Variants in CYP26B1 observed in about 807,000 individuals in gnomAD.
CYP26B1 encodes the protein cytochrome P450 26B1.
In CYP26B1, 8 loss-of-function variants were observed where a neutral mutation model predicts 39.1. The ratio of observed to expected loss-of-function variants is 0.20; its 90% CI spans 0.12 to 0.37. The LOEUF (loss-of-function observed/expected upper bound fraction) is 0.37. Ranked by LOEUF, CYP26B1 falls within the 10% of genes least tolerant of loss-of-function variation. The pLI is 1.00. For missense variants in CYP26B1, 615 were observed against 707.0 expected (o/e 0.87, Z 1.48); for synonymous variants, 321 against 314.3 (o/e 1.02, Z -0.23).
chr2:72,144,581 C>T, intron 1 of CYP26B1: 1 of 837,346 alleles, frequency 1.2e-6, no homozygotes, highest in Non-Finnish European at 1.4e-6. Context: ...ATAAATATTT[C>T]CAGGCTCCGG....
chr2:72,136,325 G>A (rs141402702), intron 2 of CYP26B1, among the ~76,000 whole-genome samples: 23 of 152,170 alleles, frequency 1.5e-4, no homozygotes, highest in Middle Eastern at 3.4e-3. Context: ...CCACACACAC[G>A]CGCCGCCCTC....
intron 5 of CYP26B1, 31 bp from the exon 6 acceptor site, chr2:72,132,650 G>A: frequency 3.8e-6 from 6 of 1,571,868 alleles, no homozygotes; most frequent in Non-Finnish European, 5.2e-6. Flanking sequence ...AGGAGTGGGT[G>A]GTGAGAGCCA....
intron 2 of CYP26B1, among the ~76,000 whole-genome samples, chr2:72,143,468 C>T (rs914914126): frequency 6.6e-5 from 10 of 151,792 alleles, no homozygotes; most frequent in African/African-American, 2.4e-4. Flanking sequence ...GCTCCGCTGC[C>T]CAGGCTCGCC....
chr2:72,135,547 G>T lies in CYP26B1; in HGVS notation c.430-128C>A, dbSNP rs988903618. The T allele has an allele frequency of 3.1e-5, 42 of 1,375,436 alleles. No individual in the cohort carries two copies. The African/African-American group carries it at 5.7e-4, about 19-fold the overall frequency. 85.2% of individuals were successfully genotyped at this position (1,375,436 alleles called of 1,614,324 possible). A position where few individuals can be genotyped will look rare whatever the true frequency, so the allele number is the denominator to read the frequency against. On this transcript the variant is annotated intron_variant, in intron 2 of 5. Transcript: ENST00000001146. ...CTTCCACACAACAGCAAAGCCTTGG[G>T]AGCTGGGCAGGCCAGCTGCCAGCAA...
chr2:72,138,371 G>A (rs553433829), intron 2 of CYP26B1, among the ~76,000 whole-genome samples: 10 of 152,248 alleles, frequency 6.6e-5, no homozygotes, highest in Non-Finnish European at 1.2e-4. Context: ...CCAGGGCGGC[G>A]TCAGGGCGGG....
At position 72,143,981 on chromosome 2, in the gene CYP26B1, G is replaced by A. The variant is rs1677037316; in HGVS notation, c.429+8C>T. 2.5e-6 allele frequency: 4 copies of A among 1,613,332 alleles called. No individual in the cohort carries two copies. The highest frequency in any genetic ancestry group is 2.5e-6 in the Non-Finnish European group (3 of 1,179,988). ...GATTGCGCGGAAGAAAACGGGCAGA[G>A]TTCTTACCTTGCGCTTGTTGCGGTG... On this transcript the variant is annotated splice_region_variant and intron_variant, in intron 2 of 5. Coordinates refer to ENST00000001146, the MANE Select transcript of CYP26B1 (RefSeq NM_019885.4).
chr2:72,131,752 C>T lies in CYP26B1; in HGVS notation c.*475G>A, dbSNP rs1234546234. On this transcript the variant is annotated 3_prime_UTR_variant, in exon 6 of 6. Transcript: ENST00000001146. ...AGCCCCCGCCCCGCCAAGGTTGACT[C>T]CTGTTCTGCTACCCAGGATGCTGTT... 2 of 164,428 alleles carry T rather than the reference C, an allele frequency of 1.2e-5. No homozygotes were observed. The highest frequency in any genetic ancestry group is 1.2e-4 in the Admixed American group (2 of 16,652). The allele number at this position is 164,428 out of a possible 1,614,324, so 10.2% of individuals were successfully genotyped here. A position where few individuals can be genotyped will look rare whatever the true frequency, so the allele number is the denominator to read the frequency against.
chr2:72,137,682 C>T (rs1244300311), intron 2 of CYP26B1, among the ~76,000 whole-genome samples: 1 of 152,252 alleles, frequency 6.6e-6, no homozygotes, highest in Non-Finnish European at 1.5e-5. Flanking sequence ...CCTTCCCAGG[C>T]CTTGGGGGCC....
In CYP26B1 at chr2:72,133,101, G is replaced by A. The variant is rs567941619; in HGVS notation, c.1068C>T (p.Cys356=). The part of the protein sequence containing the change: ...DTLSGLRYLD[C]VIKEVMRLFT... ...ACAGGCGCATGACCTCCTTGATGAC[G>A]CAGTCCAGGTAGCGCAGCCCACTGA... Residue 356 remains cysteine, a synonymous_variant, in exon 5 of 6, where the codon TGC becomes TGT. Transcript: ENST00000001146. The A allele has an allele frequency of 4.8e-5, 77 of 1,613,200 alleles. 1 individual carries two copies. In the South Asian group the frequency reaches 6.7e-4, roughly 14 times the overall value.
rs1676574683 is a variant in CYP26B1, at chr2:72,131,530, G to A, written c.*697C>T. 1 of 152,868 alleles carries A rather than the reference G, an allele frequency of 6.5e-6. No individual in the cohort carries two copies. The highest frequency in any genetic ancestry group is 6.5e-5 in the Admixed American group (1 of 15,296). The allele number at this position is 152,868 out of a possible 1,614,324, so 9.5% of individuals were successfully genotyped here. ...TGTGTAACAGGGCCTGGTTCAGCAG[G>A]GGATGGGAAGGTGGGGGTGTCAGTG... is the stretch of plus-strand genomic sequence containing the variant. On this transcript the variant is annotated 3_prime_UTR_variant, in exon 6 of 6. Coordinates refer to ENST00000001146, the MANE Select transcript of CYP26B1 (RefSeq NM_019885.4).
chr2:72,146,802 A>G (rs1028371390), intron 1 of CYP26B1, among the ~76,000 whole-genome samples: 1 of 152,198 alleles, frequency 6.6e-6, no homozygotes, highest in South Asian at 2.1e-4. Context: ...CTGGCACTTG[A>G]TGAGGTGAAC....
chr2:72,137,050 G>A (rs1676799330), intron 2 of CYP26B1, among the ~76,000 whole-genome samples: 1 of 152,180 alleles, frequency 6.6e-6, no homozygotes, highest in South Asian at 2.1e-4. Context: ...GGGACAGGGA[G>A]GGCCAGAAAG....
At chr2:72,138,656 G>A (rs1047063590) in intron 2 of CYP26B1, among the ~76,000 whole-genome samples, 2 of 152,150 alleles carry the variant, frequency 1.3e-5, no homozygotes, top group Admixed American at 1.3e-4. Flanking sequence ...TCCCCACCAC[G>A]GCTGGTGCCA....
intron 2 of CYP26B1, 131 bp downstream of exon 2, chr2:72,143,858 A>C: frequency 2.7e-6 from 3 of 1,112,050 alleles, no homozygotes; most frequent in Non-Finnish European, 4.0e-6. Flanking sequence ...TCGGCGGGGA[A>C]CTGCGGAGTC....
In CYP26B1 at chr2:72,130,850, C is replaced by CGG. The variant is rs1676548209; in HGVS notation, c.*1375_*1376dup. On this transcript the variant is annotated 3_prime_UTR_variant, in exon 6 of 6. Transcript: ENST00000001146. ...CTGCGGCAGCCTTCCCGCAGCTGTC[C>CGG]GGAGACCACACAGGGCCCTGCAATC... 6.6e-6 allele frequency: 1 copy of CGG among 152,192 alleles called. No individual in the cohort carries two copies. The highest frequency in any genetic ancestry group is 1.5e-5 in the Non-Finnish European group (1 of 68,044). The allele number at this position is 152,192 out of a possible 1,614,324, so 9.4% of individuals were successfully genotyped here.
chr2:72,147,192 G>A lies in CYP26B1; in HGVS notation c.204+439C>T, dbSNP rs1041991711. Among the ~76,000 whole-genome samples the A allele has an allele frequency of 1.2e-4, 19 of 152,072 alleles. No individual in the cohort carries two copies. The highest frequency in any genetic ancestry group is 4.6e-4 in the African/African-American group (19 of 41,414). On this transcript the variant is annotated intron_variant, in intron 1 of 5. Transcript: ENST00000001146. This position sits in a 1 kb window ranked among gnomAD's most constrained non-coding sequence, Gnocchi z 6.1. ...GCTGCCACCAGCCCCCTCCTCTCCC[G>A]ACTCAATTTTCGGCTCCCAGCGACA... is the stretch of plus-strand genomic sequence containing the variant.
intron 1 of CYP26B1, among the ~76,000 whole-genome samples, chr2:72,144,789 T>G (rs904901915): frequency 6.6e-6 from 1 of 152,154 alleles, no homozygotes; most frequent in African/African-American, 2.4e-5. Context: ...GCGATTTTCC[T>G]AATGCATTTT....
Position 72,130,907 on chromosome 2 carries a change from CT to C in CYP26B1, c.*1319del. ...GAGGCAGAACTGCCGCTGCGCTCAC[CT>C]CCCCCACGCTTTCGCCTCTTCCCCA... On this transcript the variant is annotated 3_prime_UTR_variant, in exon 6 of 6. Coordinates refer to ENST00000001146, the MANE Select transcript of CYP26B1 (RefSeq NM_019885.4). 1 of 152,564 alleles carries C rather than the reference CT, an allele frequency of 6.6e-6. No homozygotes were observed. The highest frequency in any genetic ancestry group is 1.5e-5 in the Non-Finnish European group (1 of 68,142). The allele number at this position is 152,564 out of a possible 1,614,324, so 9.5% of individuals were successfully genotyped here.
rs548788241 is a variant in CYP26B1, at chr2:72,132,111, G to A, written c.*116C>T. On this transcript the variant is annotated 3_prime_UTR_variant, in exon 6 of 6. Transcript: ENST00000001146. Reference sequence around the variant, plus strand: ...TTGCCAGGGAGGGGGAGCAAGGGAGGGCAAGTATGGGGGCCACTCGCCCTC... The same window carrying A: ...TTGCCAGGGAGGGGGAGCAAGGGAGAGCAAGTATGGGGGCCACTCGCCCTC... 1.6e-4 allele frequency: 191 copies of A among 1,218,622 alleles called. No homozygotes were observed. The highest frequency in any genetic ancestry group is 1.1e-3 in the East Asian group (44 of 39,052). The allele number at this position is 1,218,622 out of a possible 1,614,324, so 75.5% of individuals were successfully genotyped here. A position where few individuals can be genotyped will look rare whatever the true frequency, so the allele number is the denominator to read the frequency against.
Sources: gnomAD v4.1 joint callset for allele counts (sites outside exome capture counted in the v4.1 genomes callset) on GRCh38, gnomAD v4.1.1 for gene constraint, Gnocchi (gnomAD v3.1) non-coding constraint, MANE v1.5 for transcripts, NCBI Gene and HGNC (gene_info 2026-07-23, HGNC 2026-07-21) for gene names.